The following PTPRD variants were observed in gnomAD, a reference collection of about 807,000 sequenced individuals.
PTPRD encodes the protein protein tyrosine phosphatase receptor type D, also known as receptor-type tyrosine-protein phosphatase delta.
In PTPRD, 34 loss-of-function variants were observed where a neutral mutation model predicts 214.5. The observed-to-expected ratio is 0.16, with a 90% CI of 0.12 to 0.21. PTPRD has a LOEUF of 0.21. PTPRD is among the 10% of genes least tolerant of loss of function. The pLI, the probability that PTPRD is intolerant of heterozygous loss-of-function variation, is 1.00. For missense variants in PTPRD, 2,545 were observed against 2,398.7 expected (o/e 1.06, Z -1.27); for synonymous variants, 1,128 against 845.7 (o/e 1.33, Z -5.79).
At chr9:10,298,021 T>C (rs1457369657) in intron 3 of PTPRD, among the ~76,000 whole-genome samples, 1 of 152,118 alleles carries the variant, frequency 6.6e-6, no homozygotes, top group African/African-American at 2.4e-5. Flanking sequence ...AAAAAGATGG[T>C]TCCCAAGAGT....
chr9:9,570,350 T>C lies in PTPRD; in HGVS notation c.-237+4382A>G, dbSNP rs183886828. The stretch of plus-strand genomic sequence containing the variant: ...TATTTTCCTTCATGCAGGATGTTAC[T>C]TGTATGTCGTTTAACTTCATTTTTC... On this transcript the variant is annotated intron_variant, in intron 8 of 45. Coordinates refer to ENST00000381196, the MANE Select transcript of PTPRD (RefSeq NM_002839.4). 4.6e-4 allele frequency among the ~76,000 whole-genome samples: 69 copies of C among 151,636 alleles called. No individual in the cohort carries two copies. The East Asian group carries it at 0.011, about 24-fold the overall frequency.
chr9:8,478,599 T>C (rs1366590998), intron 30 of PTPRD, among the ~76,000 whole-genome samples: 2 of 152,180 alleles, frequency 1.3e-5, no homozygotes, highest in African/African-American at 2.4e-5. Flanking sequence ...TCATTACAAC[T>C]TGCTTCTGAA....
At chr9:9,832,100 C>G (rs546081067) in intron 5 of PTPRD, among the ~76,000 whole-genome samples, 1 of 152,008 alleles carries the variant, frequency 6.6e-6, no homozygotes, top group Non-Finnish European at 1.5e-5. Context: ...AGGGTAATAA[C>G]TTGCCTATAA....
At chr9:8,606,967 C>T (rs192149794) in intron 14 of PTPRD, among the ~76,000 whole-genome samples, 7 of 152,246 alleles carry the variant, frequency 4.6e-5, no homozygotes, top group Admixed American at 4.6e-4. Flanking sequence ...TTAACTTCAA[C>T]AGAAGCCCAA....
intron 3 of PTPRD, among the ~76,000 whole-genome samples, chr9:10,099,883 T>G (rs1458001644): frequency 1.3e-5 from 2 of 151,718 alleles, no homozygotes; most frequent in African/African-American, 4.8e-5. Flanking sequence ...GAAAAAATGG[T>G]ATCACAACTA....
chr9:9,486,182 A>AAAAAAAAC (rs2095627301), intron 8 of PTPRD, among the ~76,000 whole-genome samples: 2 of 135,882 alleles, frequency 1.5e-5, no homozygotes, highest in African/African-American at 2.7e-5. Flanking sequence ...AAAAAAAAAA[A>AAAAAAAAC]AAAGCCTTCC....
At chr9:10,249,517 C>A (rs755278918) in intron 3 of PTPRD, among the ~76,000 whole-genome samples, 2 of 152,274 alleles carry the variant, frequency 1.3e-5, no homozygotes, top group South Asian at 2.1e-4. Context: ...AGTAATTACT[C>A]TGTCTGACAG....
chr9:10,174,447 AG>A (rs2099233484), intron 3 of PTPRD, among the ~76,000 whole-genome samples: 1 of 152,126 alleles, frequency 6.6e-6, no homozygotes, highest in African/African-American at 2.4e-5. Flanking sequence ...CAACAGAAAT[AG>A]GGGCCCAATT....
intron 9 of PTPRD, among the ~76,000 whole-genome samples, chr9:9,349,773 A>G (rs574245275): frequency 2.0e-5 from 3 of 150,968 alleles, no homozygotes; most frequent in Admixed American, 1.3e-4. Context: ...TTTTTGTGCT[A>G]TAAATAATTG....
At chr9:10,138,240 T>A (rs2098956402) in intron 3 of PTPRD, among the ~76,000 whole-genome samples, 1 of 151,930 alleles carries the variant, frequency 6.6e-6, no homozygotes, top group African/African-American at 2.4e-5. Flanking sequence ...CAAAAGATCC[T>A]CAAAGGCTAC....
intron 11 of PTPRD, among the ~76,000 whole-genome samples, chr9:8,773,148 G>C (rs916145246): frequency 6.6e-6 from 1 of 152,104 alleles, no homozygotes; most frequent in Non-Finnish European, 1.5e-5. Context: ...GTTTCCTTTA[G>C]TCTTTTTGAG....
intron 4 of PTPRD, among the ~76,000 whole-genome samples, chr9:9,948,802 A>G (rs1017245991): frequency 6.6e-6 from 1 of 152,098 alleles, no homozygotes. Flanking sequence ...TCTGATCTCA[A>G]CAGTAGGTAT....
At chr9:8,392,505 C>T (rs1049537232) in intron 36 of PTPRD, among the ~76,000 whole-genome samples, 3 of 151,832 alleles carry the variant, frequency 2.0e-5, no homozygotes, top group South Asian at 2.1e-4. Context: ...CATTCCTGGG[C>T]GACAGAGCAA....
intron 11 of PTPRD, among the ~76,000 whole-genome samples, chr9:8,841,490 G>A (rs1474036431): frequency 6.6e-6 from 1 of 151,908 alleles, no homozygotes; most frequent in African/African-American, 2.4e-5. Context: ...ATGATTCTGA[G>A]CAAACATGAG....
At chr9:8,732,856 A>G (rs1051472080) in intron 12 of PTPRD, among the ~76,000 whole-genome samples, 1 of 152,222 alleles carries the variant, frequency 6.6e-6, no homozygotes, top group African/African-American at 2.4e-5. Flanking sequence ...AACATGAGTC[A>G]AATTTAATCT....
Position 9,662,736 on chromosome 9 carries a change from G to A in PTPRD, c.-287+71797C>T, listed in dbSNP as rs550302664. On this transcript the variant is annotated intron_variant, in intron 7 of 45. Transcript: ENST00000381196. The stretch of plus-strand genomic sequence containing the variant: ...ACACATATCTACTGAAGGCTTGTCC[G>A]TTTTTAGAATTACATAAATTAATCC... Among the ~76,000 whole-genome samples, 8 of 151,658 alleles carry A rather than the reference G, an allele frequency of 5.3e-5. No homozygotes were observed. The South Asian group carries it at 6.2e-4, about 12-fold the overall frequency.
At chr9:9,924,690 T>C (rs188810035) in intron 5 of PTPRD, among the ~76,000 whole-genome samples, 24 of 151,928 alleles carry the variant, frequency 1.6e-4, no homozygotes, top group African/African-American at 4.3e-4. Flanking sequence ...TCACAAGGAG[T>C]TTTTAAAAGA....
intron 7 of PTPRD, among the ~76,000 whole-genome samples, chr9:9,646,302 GGTGTGTGTGTGTGTGGGTGT>G (rs1564282555): frequency 7.0e-6 from 1 of 142,296 alleles, no homozygotes; most frequent in Non-Finnish European, 1.5e-5. Context: ...TTTTGGGAGG[GGTGTGTGTGTGTGTGGGTGT>G]GTGTGTGTGT....
intron 9 of PTPRD, among the ~76,000 whole-genome samples, chr9:9,358,567 A>G (rs1343178187): frequency 1.3e-5 from 2 of 151,296 alleles, no homozygotes; most frequent in African/African-American, 2.4e-5. Flanking sequence ...TTAAGTTGCA[A>G]TCCTGAGTAT....
Sources: allele counts gnomAD v4.1 joint callset (sites outside exome capture counted in the v4.1 genomes callset), GRCh38; gene constraint gnomAD v4.1.1; transcripts MANE v1.5; gene names NCBI Gene and HGNC (gene_info 2026-07-23, HGNC 2026-07-21).